Variants in COL4A3 observed in about 807,000 individuals in gnomAD.
The protein encoded by COL4A3 is collagen alpha-3(IV) chain.
Under a neutral mutation model 217.4 loss-of-function variants are expected in COL4A3, and 135 were observed. The ratio of observed to expected loss-of-function variants is 0.62; its 90% confidence interval spans 0.54 to 0.72. The LOEUF (loss-of-function observed/expected upper bound fraction) is 0.72. Ranked by LOEUF, COL4A3 falls within the 30% of genes least tolerant of loss-of-function variation. COL4A3 has a pLI of 0.00. For missense variants in COL4A3, 1,868 were observed against 2,119.9 expected (o/e 0.88, Z 2.33); for synonymous variants, 690 against 736.3 (o/e 0.94, Z 1.02).
chr2:227,309,385 A>G (rs545712722), intron 50 of COL4A3, 67 bp downstream of exon 50: 2 of 1,236,106 alleles, frequency 1.6e-6, no homozygotes, highest in Admixed American at 1.9e-5. Context: ...TGTGCTGGGT[A>G]AAATGTGATT....
At chr2:227,255,934 A>G in intron 15 of COL4A3, 92 bp from the exon 16 acceptor site, 2 of 1,302,654 alleles carry the variant, frequency 1.5e-6, no homozygotes, top group Non-Finnish European at 2.2e-6. Flanking sequence ...GCCTGAGGTC[A>G]AGAGGAGATG....
chr2:227,270,291 G>A (rs138615166), intron 24 of COL4A3, among the ~76,000 whole-genome samples: 2 of 152,298 alleles, frequency 1.3e-5, no homozygotes, highest in East Asian at 3.9e-4. Flanking sequence ...CGTGATTGTG[G>A]TGATTGTGGC....
chr2:227,197,139 G>A (rs1171996094), intron 1 of COL4A3, among the ~76,000 whole-genome samples: 1 of 152,202 alleles, frequency 6.6e-6, no homozygotes, highest in Non-Finnish European at 1.5e-5. Context: ...ACCTGGAACT[G>A]TTGGTCCATT....
intron 23 of COL4A3, among the ~76,000 whole-genome samples, chr2:227,268,986 A>T (rs886731453): frequency 6.6e-6 from 1 of 152,202 alleles, no homozygotes; most frequent in Non-Finnish European, 1.5e-5. Context: ...AGCTCAAAGA[A>T]GATATGTAAG....
Position 227,298,673 on chromosome 2 carries a change from T to C in COL4A3, c.3752-9T>C. 3.7e-6 allele frequency: 6 copies of C among 1,613,682 alleles called. No individual in the cohort carries two copies. The highest frequency in any genetic ancestry group is 5.1e-6 in the Non-Finnish European group (6 of 1,179,780). On this transcript the variant is annotated splice_polypyrimidine_tract_variant and intron_variant, in intron 42 of 51. Transcript: ENST00000396578. ...GCTGGCAATACTGACAGACTTTTCATGAATTCAGGTGCGCCTGGTCCCCCT... is the reference window on the plus strand; with the variant it reads ...GCTGGCAATACTGACAGACTTTTCACGAATTCAGGTGCGCCTGGTCCCCCT...
Position 227,244,631 on chromosome 2 carries a change from A to G in COL4A3, c.279+267A>G, listed in dbSNP as rs4675159. ...GAGATGATGGTATATAAAACTGCAC[A>G]TAGGTCAACCTTTGTTAAGCTGTTC... On this transcript the variant is annotated intron_variant, in intron 4 of 51. Transcript: ENST00000396578. Among the ~76,000 whole-genome samples the G allele has an allele frequency of 0.76, 115,569 of 152,076 alleles. 45,111 individuals are homozygous for G. The highest frequency in any genetic ancestry group is 0.91 in the East Asian group (4,701 of 5,180).
chr2:227,269,645 A>G (rs1265940188), intron 23 of COL4A3, among the ~76,000 whole-genome samples: 3 of 152,152 alleles, frequency 2.0e-5, no homozygotes. Flanking sequence ...ATTACTTTTA[A>G]AAGTAATATA....
chr2:227,211,456 G>A (rs1366296565), intron 1 of COL4A3, among the ~76,000 whole-genome samples: 1 of 152,150 alleles, frequency 6.6e-6, no homozygotes, highest in Non-Finnish European at 1.5e-5. Context: ...CATTTGTCCT[G>A]ATGCAAGTAT....
chr2:227,273,425 G>A (rs2071363553), intron 26 of COL4A3, among the ~76,000 whole-genome samples: 1 of 152,072 alleles, frequency 6.6e-6, no homozygotes, highest in South Asian at 2.1e-4. Context: ...GTTTTCTAGA[G>A]ACAGGGTCTC....
chr2:227,183,481 C>T (rs2065921242), intron 1 of COL4A3, among the ~76,000 whole-genome samples: 1 of 152,160 alleles, frequency 6.6e-6, no homozygotes, highest in African/African-American at 2.4e-5. Flanking sequence ...AAATACAAAT[C>T]AGAGGGCTCA....
At chr2:227,237,876 G>A (rs2068785931) in intron 1 of COL4A3, 92 bp from the exon 2 acceptor site, 16 of 914,444 alleles carry the variant, frequency 1.7e-5, no homozygotes, top group South Asian at 2.6e-5. Context: ...TCCAATACTC[G>A]AAGAACAGAG....
intron 1 of COL4A3, among the ~76,000 whole-genome samples, chr2:227,236,023 CT>C (rs886786295): frequency 1.5e-4 from 23 of 152,104 alleles, no homozygotes; most frequent in Admixed American, 1.1e-3. Flanking sequence ...ATCCGCCCCC[CT>C]GGGCCTCGCA....
chr2:227,253,694 C>T lies in COL4A3; in HGVS notation c.765+56C>T, dbSNP rs2069946282. 6 of 1,383,952 alleles carry T rather than the reference C, an allele frequency of 4.3e-6. No individual in the cohort carries two copies. 85.7% of individuals were successfully genotyped at this position (1,383,952 alleles called of 1,614,324 possible). A position where few individuals can be genotyped will look rare whatever the true frequency, so the allele number is the denominator to read the frequency against. Reference sequence around the variant, plus strand: ...GCCTTCCCGTGTCTAGGATGAAGTCCTTGTGACCCTGCACCTCTTTTACAA... The same window carrying T: ...GCCTTCCCGTGTCTAGGATGAAGTCTTTGTGACCCTGCACCTCTTTTACAA... On this transcript the variant is annotated intron_variant, in intron 13 of 51. Transcript: ENST00000396578. This position sits in a 1 kb window ranked among gnomAD's most constrained non-coding sequence, Gnocchi z 4.4.
chr2:227,182,213 C>T (rs1011460444), intron 1 of COL4A3, among the ~76,000 whole-genome samples: 1 of 152,158 alleles, frequency 6.6e-6, no homozygotes, highest in Non-Finnish European at 1.5e-5. Context: ...TGTTTATTGG[C>T]CAGGAGTCAG....
At chr2:227,245,329 T>C (rs1467421101) in intron 5 of COL4A3, among the ~76,000 whole-genome samples, 6 of 152,074 alleles carry the variant, frequency 3.9e-5, no homozygotes, top group Non-Finnish European at 8.8e-5. Context: ...ATAAAAATTG[T>C]ACAAACCTAA....
rs2066254722 is a variant in COL4A3 at position 227,191,815 on chromosome 2, T to C, written c.87+27002T>C. Among the ~76,000 whole-genome samples, 1 of 152,192 alleles carries C rather than the reference T, an allele frequency of 6.6e-6. No individual in the cohort carries two copies. The highest frequency in any genetic ancestry group is 1.5e-5 in the Non-Finnish European group (1 of 68,036). ...TTTTCATAATTAGTTTCTGGAACGC[T>C]AATAATAAGAAGAACTTAGAATATT... On this transcript the variant is annotated intron_variant, in intron 1 of 51. Transcript: ENST00000396578. This position sits in a 1 kb window ranked among gnomAD's most constrained non-coding sequence, Gnocchi z 6.8.
intron 3 of COL4A3, among the ~76,000 whole-genome samples, chr2:227,241,630 T>A (rs563158655): frequency 6.6e-6 from 1 of 152,236 alleles, no homozygotes; most frequent in South Asian, 2.1e-4. Context: ...GCCATGATCA[T>A]GCTACTGCAC....
chr2:227,266,646 A>G (rs896100565), intron 22 of COL4A3, 137 bp downstream of exon 22: 9 of 740,550 alleles, frequency 1.2e-5, no homozygotes, highest in African/African-American at 7.0e-5. Flanking sequence ...AGCTAAAAGT[A>G]TTCATTTATC....
chr2:227,177,029 C>T (rs1009478319), intron 1 of COL4A3, among the ~76,000 whole-genome samples: 14 of 151,894 alleles, frequency 9.2e-5, no homozygotes, highest in Non-Finnish European at 1.9e-4. Context: ...TCATATTACC[C>T]AAAGAGGATT....
Sources: gnomAD v4.1 joint callset for allele counts (sites outside exome capture counted in the v4.1 genomes callset) on GRCh38, gnomAD v4.1.1 for gene constraint, Gnocchi (gnomAD v3.1) non-coding constraint, MANE v1.5 for transcripts, NCBI Gene and HGNC (gene_info 2026-07-23, HGNC 2026-07-21) for gene names.